USP42: variants seen among roughly 807,000 people sequenced by gnomAD.
USP42 encodes the protein ubiquitin specific peptidase 42, also known as ubiquitin carboxyl-terminal hydrolase 42.
A neutral mutation model predicts 113.0 loss-of-function variants in USP42; 23 were observed. The ratio of observed to expected loss-of-function variants is 0.20; its 90% CI spans 0.15 to 0.29. The LOEUF (loss-of-function observed/expected upper bound fraction) is 0.29, where lower values mean the gene tolerates loss of function less well. Among genes scored for constraint, USP42 ranks in the 10% least tolerant of loss-of-function variants. The probability of loss-of-function intolerance (pLI) is 1.00; values close to 1 mark genes in which losing one functional copy is unlikely to be tolerated. For missense variants in USP42, 2,174 were observed against 1,779.8 expected (o/e 1.22, Z -3.99); for synonymous variants, 933 against 699.0 (o/e 1.33, Z -5.28).
At chr7:6,125,938 C>G (rs1334126597) in intron 3 of USP42, among the ~76,000 whole-genome samples, 15 of 151,880 alleles carry the variant, frequency 9.9e-5, no homozygotes, top group Admixed American at 9.8e-4. Context: ...TCCCATGTAC[C>G]CTTACTGAAC....
At chr7:6,141,643 C>T (rs1781439218) in intron 7 of USP42, among the ~76,000 whole-genome samples, 1 of 151,896 alleles carries the variant, frequency 6.6e-6, no homozygotes, top group African/African-American at 2.4e-5. Flanking sequence ...ACTGCATCCT[C>T]CACCTCCAGG....
the USP42 span, among the ~76,000 whole-genome samples, chr7:6,092,045 TTCTTCTTCTTTC>T: frequency 1.3e-5 from 1 of 79,152 alleles, no homozygotes; most frequent in East Asian, 2.7e-4. Context: ...CTTCTTCTTC[TTCTTCTTCTTTC>T]TTCTTCTTCT....
At position 6,111,189 on chromosome 7, in the gene USP42, A is replaced by T; in HGVS notation, c.56A>T (p.Gln19Leu). Residue 19 changes from glutamine (Q) to leucine (L), a missense_variant, in exon 2 of 18, where the codon CAG (glutamine) becomes CTG (leucine). Coordinates refer to ENST00000306177, the MANE Select transcript of USP42 (RefSeq NM_032172.3). Reference protein sequence around the residue: ...ESSDPSAYQNQPGSSEAVSPG... With the variant: ...ESSDPSAYQNLPGSSEAVSPG... ...TCAGACCCATCAGCCTATCAGAATC[A>T]GCCTGGCAGCTCCGAGGCAGTCTCA... 2 of 1,612,856 alleles carry T rather than the reference A, an allele frequency of 1.2e-6. No individual in the cohort carries two copies. The highest frequency in any genetic ancestry group is 1.7e-6 in the Non-Finnish European group (2 of 1,179,290).
Position 6,159,336 on chromosome 7 carries a change from C to G in USP42, c.3944-114C>G, listed in dbSNP as rs534935529. 1.4e-4 allele frequency: 205 copies of G among 1,429,224 alleles called. No individual in the cohort carries two copies. The African/African-American group carries it at 2.7e-3, about 19-fold the overall frequency. The allele number at this position is 1,429,224 out of a possible 1,614,324, so 88.5% of individuals were successfully genotyped here. On this transcript the variant is annotated intron_variant, in intron 16 of 17. Coordinates refer to ENST00000306177, the MANE Select transcript of USP42 (RefSeq NM_032172.3). This position sits in a 1 kb window ranked among gnomAD's most constrained non-coding sequence, Gnocchi z 4.1. Reference sequence around the variant, plus strand: ...CCTCACTGGGGAGTGGCCTCAGGCGCTCACAGGGAACCGCAGTGACTCTGA... The same window carrying G: ...CCTCACTGGGGAGTGGCCTCAGGCGGTCACAGGGAACCGCAGTGACTCTGA...
At chr7:6,104,588 G>C (rs942234281), upstream of USP42, among the ~76,000 whole-genome samples, 2 of 152,216 alleles carry the variant, frequency 1.3e-5, no homozygotes, top group Non-Finnish European at 1.5e-5. Flanking sequence ...CGAGGCGAAA[G>C]CCCAAAGTCC....
chr7:6,147,966 G>C (rs538253603), intron 12 of USP42, 74 bp downstream of exon 12: 2 of 1,441,432 alleles, frequency 1.4e-6, no homozygotes, highest in Admixed American at 3.8e-5. Flanking sequence ...AAGTTGAATT[G>C]TAGTGGTTGC....
chr7:6,086,457 G>A, the USP42 span, among the ~76,000 whole-genome samples: 29 of 150,790 alleles, frequency 1.9e-4, no homozygotes, highest in Non-Finnish European at 3.4e-4. Flanking sequence ...CGCCCACCTC[G>A]GCCTCCCAAA....
At chr7:6,109,431 A>C (rs759988693) in intron 1 of USP42, among the ~76,000 whole-genome samples, 1 of 152,072 alleles carries the variant, frequency 6.6e-6, no homozygotes, top group East Asian at 1.9e-4. Flanking sequence ...GAGTCTCTCT[A>C]TGTCAGTCTG....
In USP42 at chr7:6,157,028, A is replaced by C. The variant is rs750318624; in HGVS notation, c.3916A>C (p.Arg1306=). The part of the protein sequence containing the change: ...KHLRMESRDD[R]CRLFEYGQGD ...CTTACGGATGGAAAGCAGGGATGACAGGTGTCGTCTCTTTGAGTATGGCCA... is the reference window on the plus strand; with the variant it reads ...CTTACGGATGGAAAGCAGGGATGACCGGTGTCGTCTCTTTGAGTATGGCCA... Residue 1306 remains arginine, a synonymous_variant, in exon 16 of 18, where the codon AGG becomes CGG. Coordinates refer to ENST00000306177, the MANE Select transcript of USP42 (RefSeq NM_032172.3). The surrounding 1 kb of genome is among the most constrained non-coding windows in gnomAD (Gnocchi z 4.1). The C allele has an allele frequency of 6.2e-7, 1 of 1,610,404 alleles. No homozygotes were observed. Among genetic ancestry groups the C allele is most frequent in the East Asian group, 2.2e-5 (1 of 44,862 alleles).
Position 6,157,516 on chromosome 7 carries a change from G to A in USP42, c.3943+461G>A, listed in dbSNP as rs1782525835. 2 of 511,224 alleles carry A rather than the reference G, an allele frequency of 3.9e-6. No homozygotes were observed. The highest frequency in any genetic ancestry group is 5.0e-6 in the Non-Finnish European group (2 of 396,780). The allele number at this position is 511,224 out of a possible 1,614,324, so 31.7% of individuals were successfully genotyped here. On this transcript the variant is annotated intron_variant, in intron 16 of 17. Coordinates refer to ENST00000306177, the MANE Select transcript of USP42 (RefSeq NM_032172.3). The surrounding 1 kb of genome is among the most constrained non-coding windows in gnomAD (Gnocchi z 4.1). ...AGGTTCATGCTGTTCTCCTGCCTCA[G>A]CCTCCTGAGTAGCCGGGACTACAGG... is the stretch of plus-strand genomic sequence containing the variant.
rs567063970 is a variant in USP42, at chr7:6,159,557, G to A, written c.*36+64G>A. 6 of 1,513,768 alleles carry A rather than the reference G, an allele frequency of 4.0e-6. No individual in the cohort carries two copies. The African/African-American group carries it at 8.3e-5, about 21-fold the overall frequency. 93.8% of individuals were successfully genotyped at this position (1,513,768 alleles called of 1,614,324 possible). On this transcript the variant is annotated intron_variant, in intron 17 of 17. Transcript: ENST00000306177. The surrounding 1 kb of genome is among the most constrained non-coding windows in gnomAD (Gnocchi z 4.1). ...TGGCGCTGAGGGGACGCAGGCAGAG[G>A]AGTTTTAATTCTGCGGCTCTGCCTG...
rs1782782526 is a variant in USP42, at chr7:6,161,420, T to C, written c.*902T>C. On this transcript the variant is annotated 3_prime_UTR_variant, in exon 18 of 18. Transcript: ENST00000306177. Reference sequence around the variant, plus strand: ...GTATTTAATACAGTTTGTATCTGAATAATCTGTATGGTTTATACAGTTTGT... The same window carrying C: ...GTATTTAATACAGTTTGTATCTGAACAATCTGTATGGTTTATACAGTTTGT... The C allele has an allele frequency of 6.6e-6, 1 of 152,670 alleles. No individual in the cohort carries two copies. 9.5% of individuals were successfully genotyped at this position (152,670 alleles called of 1,614,324 possible).
chr7:6,120,314 C>G (rs1378563979), intron 3 of USP42, among the ~76,000 whole-genome samples: 2 of 152,166 alleles, frequency 1.3e-5, no homozygotes, highest in Admixed American at 6.5e-5. Context: ...ACTATCTCCA[C>G]TCACTGTAAC....
intron 3 of USP42, among the ~76,000 whole-genome samples, chr7:6,135,596 G>A (rs902814053): frequency 7.5e-6 from 1 of 132,622 alleles, no homozygotes; most frequent in East Asian, 2.4e-4. Context: ...AGGTTGCAGT[G>A]AGCCAGGGTC....
chr7:6,127,570 TA>T (rs1212435949), intron 3 of USP42, among the ~76,000 whole-genome samples: 2 of 152,012 alleles, frequency 1.3e-5, no homozygotes, highest in Non-Finnish European at 1.5e-5. Context: ...TCTTTGTAAT[TA>T]AAAAAAATTA....
intron 15 of USP42, 22 bp downstream of exon 15, chr7:6,155,217 C>A: frequency 6.6e-7 from 1 of 1,505,070 alleles, no homozygotes; most frequent in South Asian, 1.3e-5. Flanking sequence ...GCCTTGTGCT[C>A]CCCGAGGCGC....
At position 6,116,762 on chromosome 7, in the gene USP42, G is replaced by T. The variant is rs562546400; in HGVS notation, c.442+1239G>T. 26 of 532,722 alleles carry T rather than the reference G, an allele frequency of 4.9e-5. No homozygotes were observed. The East Asian group carries it at 1.3e-3, about 27-fold the overall frequency. 33.0% of individuals were successfully genotyped at this position (532,722 alleles called of 1,614,324 possible). ...GGGTGTTTGTTATGCCAGAATTAAC[G>T]TTCTGTTTGCCCTCATTTTCTCCCT... On this transcript the variant is annotated intron_variant, in intron 3 of 17. Coordinates refer to ENST00000306177, the MANE Select transcript of USP42 (RefSeq NM_032172.3).
chr7:6,145,330 CAA>C (rs61495758), intron 9 of USP42, among the ~76,000 whole-genome samples, 184 bp from the exon 10 acceptor site: 18 of 132,034 alleles, frequency 1.4e-4, no homozygotes, highest in Admixed American at 2.3e-4. Context: ...CACGCCATCT[CAA>C]AAAAAAAAAA....
Position 6,154,053 on chromosome 7 carries a change from G to T in USP42, c.2499G>T (p.Gln833His), listed in dbSNP as rs374697905. 7.7e-5 allele frequency: 123 copies of T among 1,605,904 alleles called. No homozygotes were observed. The African/African-American group carries it at 1.5e-3, about 20-fold the overall frequency. ...SLTGDASPLS[Q>H]DAKGMIAEGP... is the part of the protein sequence containing the mutation. Reference sequence around the variant, plus strand: ...CAGGCGATGCGAGCCCGTTGTCCCAGGACGCAAAGGGGATGATCGCGGAGG... The same window carrying T: ...CAGGCGATGCGAGCCCGTTGTCCCATGACGCAAAGGGGATGATCGCGGAGG... The change falls in exon 15 of 18, where the codon CAG becomes CAT. Residue 833 changes from glutamine to histidine, a missense_variant. Transcript: ENST00000306177.
Sources: allele counts gnomAD v4.1 joint callset (sites outside exome capture counted in the v4.1 genomes callset), GRCh38; gene constraint gnomAD v4.1.1; non-coding constraint Gnocchi (gnomAD v3.1); transcripts MANE v1.5; gene names NCBI Gene and HGNC (gene_info 2026-07-23, HGNC 2026-07-21).